The following PRPSAP2 variants were observed in gnomAD, a reference collection of about 807,000 sequenced individuals.
PRPSAP2 encodes the protein phosphoribosyl pyrophosphate synthetase associated protein 2.
A neutral mutation model predicts 40.6 loss-of-function variants in PRPSAP2; 24 were observed. The observed-to-expected ratio is 0.59, with a 90% CI of 0.43 to 0.83. The LOEUF is 0.83. PRPSAP2 is among the 40% of genes least tolerant of loss of function. The pLI is 0.00. For missense variants in PRPSAP2, 292 were observed against 465.6 expected (o/e 0.63, Z 3.43); for synonymous variants, 149 against 164.7 (o/e 0.90, Z 0.73).
intron 8 of PRPSAP2, among the ~76,000 whole-genome samples, 181 bp downstream of exon 8, chr17:18,890,058 CCT>C (rs952629687): frequency 6.6e-6 from 1 of 151,960 alleles, no homozygotes; most frequent in East Asian, 1.9e-4. Flanking sequence ...ATTTTAATTT[CCT>C]CTCTTTTTTT....
intron 7 of PRPSAP2, among the ~76,000 whole-genome samples, chr17:18,886,067 C>T (rs899019195): frequency 3.9e-5 from 6 of 152,082 alleles, no homozygotes; most frequent in Admixed American, 6.6e-5. Flanking sequence ...CTTTTGTTTT[C>T]GTGTGTTAGA....
intron 5 of PRPSAP2, among the ~76,000 whole-genome samples, chr17:18,874,711 T>C (rs2038145801): frequency 6.6e-6 from 1 of 152,230 alleles, no homozygotes; most frequent in Admixed American, 6.5e-5. Context: ...CAACTGCCCC[T>C]GCTGCTGCTG....
chr17:18,917,578 A>ATTG (rs1224409687), intron 9 of PRPSAP2: 1 of 33,616 alleles, frequency 3.0e-5, no homozygotes, highest in Non-Finnish European at 5.3e-5. Context: ...TATTATTATT[A>ATTG]TTATTATTTT....
At chr17:18,856,470 CAA>C, upstream of PRPSAP2, 1 of 151,580 alleles carries the variant, frequency 6.6e-6, no homozygotes, top group East Asian at 2.0e-4. Context: ...TTGCTCTTTA[CAA>C]AGAGGTATGT....
At position 18,928,972 on chromosome 17, in the gene PRPSAP2, G is replaced by T. The variant is rs561030100; in HGVS notation, c.951+15G>T. 6 of 1,609,382 alleles carry T rather than the reference G, an allele frequency of 3.7e-6. No homozygotes were observed. Among genetic ancestry groups the T allele is most frequent in the Non-Finnish European group, 5.1e-6 (6 of 1,176,978 alleles). ...CCATTGATGAGGTAACAGGGTCTGG[G>T]TGTGTGTGGGTACAGCTGCCTGGGC... is the stretch of plus-strand genomic sequence containing the variant. On this transcript the variant is annotated intron_variant, in intron 11 of 11. Coordinates refer to ENST00000268835, the MANE Select transcript of PRPSAP2 (RefSeq NM_002767.4).
At position 18,891,185 on chromosome 17, in the gene PRPSAP2, G is replaced by A. The variant is rs1274352129; in HGVS notation, c.584+1308G>A. Among the ~76,000 whole-genome samples the A allele has an allele frequency of 2.0e-5, 3 of 152,256 alleles. No homozygotes were observed. In the East Asian group the frequency reaches 5.8e-4, roughly 29 times the overall value. ...TAGGGTGCCTCCACCCTGGGCTCGT[G>A]GGCTGGCAGTATTGAAGGATGGAGG... On this transcript the variant is annotated intron_variant, in intron 8 of 11. Coordinates refer to ENST00000268835, the MANE Select transcript of PRPSAP2 (RefSeq NM_002767.4).
At chr17:18,880,517 C>T (rs1029523250) in intron 6 of PRPSAP2, among the ~76,000 whole-genome samples, 4 of 151,982 alleles carry the variant, frequency 2.6e-5, no homozygotes, top group Admixed American at 6.6e-5. Flanking sequence ...AGTGATCCTC[C>T]GACCTTAGCT....
chr17:18,906,424 C>T (rs1185841220), intron 8 of PRPSAP2, among the ~76,000 whole-genome samples: 1 of 152,114 alleles, frequency 6.6e-6, no homozygotes, highest in African/African-American at 2.4e-5. Context: ...CCATGTTGGC[C>T]AGGATAGTTT....
chr17:18,878,848 A>G (rs1279677110), intron 6 of PRPSAP2, among the ~76,000 whole-genome samples: 1 of 151,382 alleles, frequency 6.6e-6, no homozygotes, highest in Non-Finnish European at 1.5e-5. Flanking sequence ...CCGGCCTATG[A>G]TTTTTTTATT....
chr17:18,913,376 C>G (rs1718395690), intron 9 of PRPSAP2, among the ~76,000 whole-genome samples: 1 of 152,004 alleles, frequency 6.6e-6, no homozygotes, highest in Admixed American at 6.6e-5. Context: ...TGAGCTATAG[C>G]TGGAGTGGGT....
chr17:18,881,518 G>A (rs558043042), intron 6 of PRPSAP2, among the ~76,000 whole-genome samples: 8 of 151,982 alleles, frequency 5.3e-5, no homozygotes, highest in South Asian at 2.1e-4. Flanking sequence ...GATTACAGGC[G>A]TGAGCCACCG....
chr17:18,866,619 A>G (rs2037453164), intron 3 of PRPSAP2, among the ~76,000 whole-genome samples: 1 of 152,180 alleles, frequency 6.6e-6, no homozygotes, highest in Non-Finnish European at 1.5e-5. Flanking sequence ...GTTTAGTATA[A>G]TTTTAGATAT....
At chr17:18,870,024 T>G (rs2037745284) in intron 4 of PRPSAP2, among the ~76,000 whole-genome samples, 1 of 151,916 alleles carries the variant, frequency 6.6e-6, no homozygotes, top group African/African-American at 2.4e-5. Flanking sequence ...ATTTTTTGTG[T>G]TGTTGGTGGA....
Position 18,924,000 on chromosome 17 carries a change from T to C in PRPSAP2, c.804+16T>C. ...CATCATCGTGGTATGTAGACCTCTTTTATTATTAATTCTAGTATTTGCCAT... is the reference window on the plus strand; with the variant it reads ...CATCATCGTGGTATGTAGACCTCTTCTATTATTAATTCTAGTATTTGCCAT... On this transcript the variant is annotated intron_variant, in intron 10 of 11. Coordinates refer to ENST00000268835, the MANE Select transcript of PRPSAP2 (RefSeq NM_002767.4). 1 of 1,588,010 alleles carries C rather than the reference T, an allele frequency of 6.3e-7. No individual in the cohort carries two copies. The highest frequency in any genetic ancestry group is 8.6e-7 in the Non-Finnish European group (1 of 1,158,518).
At chr17:18,866,582 A>G (rs2037449589) in intron 3 of PRPSAP2, among the ~76,000 whole-genome samples, 1 of 152,170 alleles carries the variant, frequency 6.6e-6, no homozygotes, top group Non-Finnish European at 1.5e-5. Flanking sequence ...TAACATGTAT[A>G]TTATATGAAA....
At chr17:18,912,235 G>C (rs1464875875) in intron 9 of PRPSAP2, among the ~76,000 whole-genome samples, 1 of 152,018 alleles carries the variant, frequency 6.6e-6, no homozygotes, top group African/African-American at 2.4e-5. Context: ...TCGAGGGCCT[G>C]TTCCTCGTAG....
At chr17:18,917,575 ATTATTATTATTTTTTTTT>A (rs2041410625) in intron 9 of PRPSAP2, 8 of 33,090 alleles carry the variant, frequency 2.4e-4, no homozygotes, top group African/African-American at 8.2e-4. Flanking sequence ...TATTATTATT[ATTATTATTATTTTTTTTT>A]TTTTTTTTTT....
At chr17:18,862,791 T>TTTA (rs2037123637) in intron 1 of PRPSAP2, among the ~76,000 whole-genome samples, 1 of 149,222 alleles carries the variant, frequency 6.7e-6, no homozygotes, top group Non-Finnish European at 1.5e-5. Flanking sequence ...TGTAACACCC[T>TTTA]TTTATTTATT....
Position 18,881,340 on chromosome 17 carries a change from G to A in PRPSAP2, c.413-1228G>A, listed in dbSNP as rs192616199. On this transcript the variant is annotated intron_variant, in intron 6 of 11. Coordinates refer to ENST00000268835, the MANE Select transcript of PRPSAP2 (RefSeq NM_002767.4). ...AACCTCCGCCCCCCCAGGTTCAAGC[G>A]AATTCTCCTGCCTCAGCCTCCCGAG... Among the ~76,000 whole-genome samples, 190 of 149,650 alleles carry A rather than the reference G, an allele frequency of 1.3e-3. 3 individuals are homozygous for A. The highest frequency in any genetic ancestry group is 3.0e-4 in the Non-Finnish European group (20 of 67,266).
Sources: gnomAD v4.1 joint callset for allele counts (sites outside exome capture counted in the v4.1 genomes callset) on GRCh38, gnomAD v4.1.1 for gene constraint, MANE v1.5 for transcripts, NCBI Gene and HGNC (gene_info 2026-07-23, HGNC 2026-07-21) for gene names.